The following AGTPBP1 variants were observed in gnomAD, a reference collection of about 807,000 sequenced individuals.
AGTPBP1 encodes ATP/GTP binding carboxypeptidase 1.
Under a neutral mutation model 143.9 loss-of-function variants are expected in AGTPBP1, and 70 were observed. That is an observed-to-expected ratio of 0.49 (90% CI 0.40 to 0.59). The LOEUF (loss-of-function observed/expected upper bound fraction) is 0.59, where lower values mean the gene tolerates loss of function less well. Among genes scored for constraint, AGTPBP1 ranks in the 20% least tolerant of loss-of-function variants. The pLI is 0.00. For missense variants in AGTPBP1, 1,229 were observed against 1,464.5 expected, an observed-to-expected ratio of 0.84 and a Z score of 2.62; for synonymous variants, 463 against 500.2, an observed-to-expected ratio of 0.93 and a Z score of 0.99.
chr9:85,728,986 A>C (rs1838703897), intron 1 of AGTPBP1, among the ~76,000 whole-genome samples: 1 of 152,234 alleles, frequency 6.6e-6, no homozygotes, highest in Non-Finnish European at 1.5e-5. Flanking sequence ...TAATGGCAAA[A>C]ACTGTGATTA....
the AGTPBP1 span, among the ~76,000 whole-genome samples, chr9:85,770,061 T>TTGTGTG: frequency 0.019 from 2,802 of 148,350 alleles, 52 homozygotes; most frequent in African/African-American, 0.049. Flanking sequence ...TGTTAATCTG[T>TTGTGTG]TGTGTGTGTG....
intron 4 of AGTPBP1, 58 bp from the exon 5 acceptor site, chr9:85,678,456 G>T: frequency 1.8e-6 from 2 of 1,126,446 alleles, no homozygotes; most frequent in Non-Finnish European, 2.6e-6. Context: ...CCAGACTTTT[G>T]AATCCACTGG....
upstream of AGTPBP1, chr9:85,742,020 G>A: frequency 8.3e-7 from 1 of 1,201,368 alleles, no homozygotes; most frequent in South Asian, 4.1e-5. Flanking sequence ...CCGGCTCCCA[G>A]CACGCGCAGG....
intron 21 of AGTPBP1, among the ~76,000 whole-genome samples, chr9:85,588,074 C>G (rs1037138765): frequency 6.6e-6 from 1 of 152,086 alleles, no homozygotes; most frequent in African/African-American, 2.4e-5. Flanking sequence ...CAGAATAGGG[C>G]ACTAGGCCCT....
chr9:85,771,630 T>G, the AGTPBP1 span, among the ~76,000 whole-genome samples: 2 of 151,430 alleles, frequency 1.3e-5, no homozygotes, highest in Admixed American at 1.3e-4. Context: ...AGAAAGATGG[T>G]GGAGTGCTTT....
the AGTPBP1 span, among the ~76,000 whole-genome samples, chr9:85,789,025 A>G: frequency 6.6e-6 from 1 of 152,174 alleles, no homozygotes; most frequent in Middle Eastern, 3.4e-3. Flanking sequence ...CTGTGGAAAT[A>G]CACATTTCCT....
Position 85,633,182 on chromosome 9 carries a change from T to C in AGTPBP1, c.1495A>G (p.Lys499Glu). Reference sequence around the variant, plus strand: ...CTATCATTATCTTTAATATCTTCTTTTGCTAGATCCATAAAGGTAGACTTC... The same window carrying C: ...CTATCATTATCTTTAATATCTTCTTCTGCTAGATCCATAAAGGTAGACTTC... ...EKKSTFMDLA[K>E]EDIKDNDRTL... The change falls in exon 14 of 26, where the codon AAA becomes GAA. Residue 499 changes from lysine (K) to glutamate (E), a missense_variant. By Grantham distance (56) the Lys-to-Glu change is moderately conservative. Transcript: ENST00000357081. The C allele has an allele frequency of 6.2e-7, 1 of 1,613,442 alleles. No homozygotes were observed. The highest frequency in any genetic ancestry group is 1.1e-5 in the South Asian group (1 of 90,938).
At chr9:85,667,569 A>G (rs1704795266) in intron 8 of AGTPBP1, among the ~76,000 whole-genome samples, 1 of 152,152 alleles carries the variant, frequency 6.6e-6, no homozygotes, top group South Asian at 2.1e-4. Context: ...CCTCAACTCA[A>G]TTATCTTAAG....
At chr9:85,663,762 T>C (rs1218302374) in intron 8 of AGTPBP1, among the ~76,000 whole-genome samples, 4 of 152,116 alleles carry the variant, frequency 2.6e-5, no homozygotes, top group Admixed American at 2.6e-4. Context: ...AAGCTACCAA[T>C]TGATCCAGCC....
intron 1 of AGTPBP1, among the ~76,000 whole-genome samples, chr9:85,735,830 C>T (rs897131642): frequency 2.6e-5 from 4 of 152,028 alleles, no homozygotes; most frequent in African/African-American, 4.8e-5. Flanking sequence ...TAACATTATC[C>T]GACCATAAAT....
intron 3 of AGTPBP1, among the ~76,000 whole-genome samples, chr9:85,691,934 C>G (rs1345467338): frequency 6.6e-6 from 1 of 152,062 alleles, no homozygotes; most frequent in Non-Finnish European, 1.5e-5. Context: ...TCATGTAAAT[C>G]TCATGACAAC....
At chr9:85,660,861 T>C in intron 9 of AGTPBP1, 75 bp downstream of exon 9, 1 of 1,106,652 alleles carries the variant, frequency 9.0e-7, no homozygotes, top group Non-Finnish European at 1.3e-6. Context: ...AAATCTACAT[T>C]TCCAGTTTCT....
At chr9:85,713,738 A>C (rs1026466944) in intron 1 of AGTPBP1, among the ~76,000 whole-genome samples, 3 of 152,240 alleles carry the variant, frequency 2.0e-5, no homozygotes, top group Non-Finnish European at 4.4e-5. Context: ...CACGACATAC[A>C]TAATTTTTTT....
At chr9:85,744,216 T>C (rs898174698), upstream of AGTPBP1, among the ~76,000 whole-genome samples, 4 of 152,144 alleles carry the variant, frequency 2.6e-5, no homozygotes, top group Non-Finnish European at 4.4e-5. Context: ...CAGGCATTAA[T>C]ACCACACCCA....
At chr9:85,720,141 G>A (rs1349679801) in intron 1 of AGTPBP1, among the ~76,000 whole-genome samples, 1 of 152,162 alleles carries the variant, frequency 6.6e-6, no homozygotes, top group Non-Finnish European at 1.5e-5. Context: ...TTGTGTCTCT[G>A]CCAGCCTTTA....
the AGTPBP1 span, among the ~76,000 whole-genome samples, chr9:85,804,214 C>T: frequency 3.3e-5 from 5 of 152,172 alleles, no homozygotes; most frequent in African/African-American, 1.2e-4. Context: ...CATTTGGTAT[C>T]TTAGGCCCCA....
At chr9:85,584,250 T>G (rs7864796) in intron 23 of AGTPBP1, among the ~76,000 whole-genome samples, 9,297 of 152,152 alleles carry the variant, frequency 0.061, 939 homozygotes, top group African/African-American at 0.21. Context: ...AAACTCTATT[T>G]TCTGAAGGTC....
chr9:85,613,257 A>G (rs1405961657), intron 17 of AGTPBP1, among the ~76,000 whole-genome samples: 2 of 152,048 alleles, frequency 1.3e-5, no homozygotes, highest in African/African-American at 4.8e-5. Context: ...TCAACAGACA[A>G]AAATAAATTT....
chr9:85,640,025 G>A (rs1832363815), intron 13 of AGTPBP1, among the ~76,000 whole-genome samples: 1 of 152,150 alleles, frequency 6.6e-6, no homozygotes, highest in African/African-American at 2.4e-5. Context: ...GTAATCTTAA[G>A]CATTAATGGT....
Sources: gnomAD v4.1 joint callset for allele counts (sites outside exome capture counted in the v4.1 genomes callset) on GRCh38, gnomAD v4.1.1 for gene constraint, MANE v1.5 for transcripts, NCBI Gene and HGNC (gene_info 2026-07-23, HGNC 2026-07-21) for gene names.